Variants in WWTR1 observed in about 807,000 individuals in gnomAD.
WWTR1 encodes WW domain containing transcription regulator 1, also known as WW domain-containing transcription regulator protein 1.
A neutral mutation model predicts 40.1 loss-of-function variants in WWTR1; 13 were observed. That is an observed-to-expected ratio of 0.32 (90% CI 0.21 to 0.52). The LOEUF (loss-of-function observed/expected upper bound fraction) is 0.52. WWTR1 is among the 20% of genes least tolerant of loss of function. The pLI is 0.97. For missense variants in WWTR1, 436 were observed against 523.1 expected, an observed-to-expected ratio of 0.83 and a Z score of 1.63; for synonymous variants, 230 against 210.1, an observed-to-expected ratio of 1.09 and a Z score of -0.82.
At chr3:149,602,530 C>G (rs1458312114) in intron 2 of WWTR1, among the ~76,000 whole-genome samples, 1 of 152,184 alleles carries the variant, frequency 6.6e-6, no homozygotes, top group Non-Finnish European at 1.5e-5. Flanking sequence ...GAGCACAGAT[C>G]TCAACAGGAA....
At chr3:149,537,066 T>C (rs1735873237) in intron 4 of WWTR1, among the ~76,000 whole-genome samples, 1 of 152,244 alleles carries the variant, frequency 6.6e-6, no homozygotes, top group South Asian at 2.1e-4. Context: ...TGTTTCTCAA[T>C]GTCTGACCTG....
chr3:149,688,507 G>T (rs1051869980), intron 1 of WWTR1, among the ~76,000 whole-genome samples: 1 of 152,200 alleles, frequency 6.6e-6, no homozygotes, highest in Non-Finnish European at 1.5e-5. Context: ...AATCCTCCCA[G>T]TTCTTATCTA....
At chr3:149,557,432 C>T (rs113240740) in intron 3 of WWTR1, among the ~76,000 whole-genome samples, 7 of 152,058 alleles carry the variant, frequency 4.6e-5, no homozygotes, top group Admixed American at 2.0e-4. Flanking sequence ...AGATGACTTA[C>T]GGGGAAGTAC....
upstream of WWTR1, among the ~76,000 whole-genome samples, chr3:149,705,579 C>A (rs1240636976): frequency 6.6e-6 from 1 of 152,118 alleles, no homozygotes; most frequent in African/African-American, 2.4e-5. Context: ...ATCTGTTGGG[C>A]AGGAAATTGA....
At chr3:149,557,900 G>A (rs1183705317) in intron 3 of WWTR1, among the ~76,000 whole-genome samples, 2 of 151,548 alleles carry the variant, frequency 1.3e-5, no homozygotes, top group African/African-American at 4.9e-5. Flanking sequence ...CTACTGGGGA[G>A]GCTGAGGCAC....
chr3:149,685,993 C>T (rs1364191521), intron 1 of WWTR1, among the ~76,000 whole-genome samples: 4 of 152,068 alleles, frequency 2.6e-5, no homozygotes, highest in Admixed American at 2.0e-4. Context: ...TTTTTTTGAT[C>T]TCATGTTCCC....
intron 5 of WWTR1, among the ~76,000 whole-genome samples, chr3:149,712,508 T>C (rs1387733957): frequency 3.9e-5 from 6 of 152,246 alleles, no homozygotes; most frequent in Non-Finnish European, 1.5e-5. Flanking sequence ...TGTGTTGTTA[T>C]ATATTGATCA....
At chr3:149,722,066 T>C (rs1715769020) in intron 4 of WWTR1, among the ~76,000 whole-genome samples, 1 of 152,176 alleles carries the variant, frequency 6.6e-6, no homozygotes, top group African/African-American at 2.4e-5. Flanking sequence ...TTTCTGTAGA[T>C]TTGGTAATAA....
intron 3 of WWTR1, among the ~76,000 whole-genome samples, chr3:149,550,018 TAAC>T (rs1286651809): frequency 1.3e-5 from 2 of 152,190 alleles, no homozygotes; most frequent in Non-Finnish European, 2.9e-5. Context: ...TGTAATACAC[TAAC>T]AACAGGGGAA....
chr3:149,668,129 G>A (rs1713911825), intron 2 of WWTR1, among the ~76,000 whole-genome samples: 1 of 152,132 alleles, frequency 6.6e-6, no homozygotes, highest in African/African-American at 2.4e-5. Flanking sequence ...TGGCTTTTAG[G>A]GAAAGAAGCC....
intron 2 of WWTR1, among the ~76,000 whole-genome samples, chr3:149,627,128 C>T (rs181270988): frequency 3.3e-5 from 5 of 152,224 alleles, no homozygotes; most frequent in East Asian, 1.9e-4. Flanking sequence ...AGTACAAATA[C>T]GTCCCATGCA....
At chr3:149,560,039 G>A (rs944090045) in intron 3 of WWTR1, among the ~76,000 whole-genome samples, 1 of 152,202 alleles carries the variant, frequency 6.6e-6, no homozygotes, top group African/African-American at 2.4e-5. Context: ...CACCAAGAGA[G>A]TTGACTGTCA....
At chr3:149,634,671 G>T (rs1711720659) in intron 2 of WWTR1, among the ~76,000 whole-genome samples, 1 of 152,178 alleles carries the variant, frequency 6.6e-6, no homozygotes, top group Admixed American at 6.5e-5. Context: ...AAAGACCCTG[G>T]ATCTGTCAGG....
Position 149,608,166 on chromosome 3 carries a change from G to A in WWTR1, c.432-35166C>T, listed in dbSNP as rs1739570815. Among the ~76,000 whole-genome samples the A allele has an allele frequency of 4.6e-5, 7 of 152,192 alleles. No homozygotes were observed. The South Asian group carries it at 1.5e-3, about 32-fold the overall frequency. ...ATTTATTATTTTTAATAAAAATAGT[G>A]TAAATGCCTAATTGCCCATTATATT... On this transcript the variant is annotated intron_variant, in intron 2 of 6. Transcript: ENST00000360632.
intron 5 of WWTR1, among the ~76,000 whole-genome samples, chr3:149,716,233 A>C (rs1342536819): frequency 6.6e-6 from 1 of 152,040 alleles, no homozygotes; most frequent in Non-Finnish European, 1.5e-5. Context: ...AAATTCAAAA[A>C]TTAGCCAGGC....
At chr3:149,542,590 C>G (rs1176887889) in intron 3 of WWTR1, 53 bp from the exon 4 acceptor site, 4 of 1,504,458 alleles carry the variant, frequency 2.7e-6, no homozygotes, top group South Asian at 1.3e-5. Flanking sequence ...AATACCTTAT[C>G]AAAAATAGAC....
At chr3:149,699,137 CT>C (rs1257245511) in intron 1 of WWTR1, among the ~76,000 whole-genome samples, 1 of 152,230 alleles carries the variant, frequency 6.6e-6, no homozygotes, top group East Asian at 1.9e-4. Flanking sequence ...ATTTTCCAAA[CT>C]TTTACAGTCT....
chr3:149,545,684 G>A (rs940386318), intron 3 of WWTR1, among the ~76,000 whole-genome samples: 6 of 152,152 alleles, frequency 3.9e-5, no homozygotes, highest in African/African-American at 9.6e-5. Flanking sequence ...ACCCTGCCCC[G>A]CTAATTTTTG....
chr3:149,640,034 GAA>G (rs1398592518), intron 2 of WWTR1, among the ~76,000 whole-genome samples: 3 of 143,854 alleles, frequency 2.1e-5, no homozygotes, highest in East Asian at 4.0e-4. Flanking sequence ...AAGAAAGAAA[GAA>G]AGAAAAAGTA....
Sources: allele counts gnomAD v4.1 joint callset (sites outside exome capture counted in the v4.1 genomes callset), GRCh38; gene constraint gnomAD v4.1.1; transcripts MANE v1.5; gene names NCBI Gene and HGNC (gene_info 2026-07-23, HGNC 2026-07-21).